SNAP91: variants seen among roughly 807,000 people sequenced by gnomAD.
SNAP91 encodes synaptosome associated protein 91, also known as clathrin coat assembly protein AP180.
SNAP91 carries 27 observed loss-of-function variants against 100.3 expected under a neutral mutation model. The ratio of observed to expected loss-of-function variants is 0.27; its 90% CI spans 0.20 to 0.37. The LOEUF (loss-of-function observed/expected upper bound fraction) is 0.37. Among genes scored for constraint, SNAP91 ranks in the 10% least tolerant of loss-of-function variants. The pLI, the probability that SNAP91 is intolerant of heterozygous loss-of-function variation, is 1.00. For missense variants in SNAP91, 986 were observed against 1,123.7 expected (o/e 0.88, Z 1.75); for synonymous variants, 404 against 398.6 (o/e 1.01, Z -0.16).
intron 14 of SNAP91, among the ~76,000 whole-genome samples, chr6:83,603,729 T>C (rs1219792276): frequency 1.3e-5 from 2 of 152,304 alleles, no homozygotes; most frequent in African/African-American, 4.8e-5. Flanking sequence ...GCTCACAGCG[T>C]GACTATAGAG....
intron 8 of SNAP91, among the ~76,000 whole-genome samples, chr6:83,624,292 A>G (rs890004753): frequency 1.3e-5 from 2 of 152,150 alleles, no homozygotes; most frequent in African/African-American, 4.8e-5. Context: ...AAATTATTCA[A>G]AGTGAAAAGT....
At chr6:83,683,711 T>C (rs149402716) in intron 2 of SNAP91, among the ~76,000 whole-genome samples, 5 of 152,350 alleles carry the variant, frequency 3.3e-5, no homozygotes, top group Admixed American at 6.5e-5. Context: ...TTAATCAATC[T>C]CTTCCATGCC....
At chr6:83,561,490 G>A (rs1787570966) in intron 26 of SNAP91, among the ~76,000 whole-genome samples, 1 of 152,128 alleles carries the variant, frequency 6.6e-6, no homozygotes, top group Non-Finnish European at 1.5e-5. Flanking sequence ...ATATAAACAA[G>A]ACTACTGACT....
intron 28 of SNAP91, among the ~76,000 whole-genome samples, chr6:83,557,311 G>A (rs1381983941): frequency 1.3e-5 from 2 of 151,990 alleles, no homozygotes; most frequent in African/African-American, 2.4e-5. Flanking sequence ...TTGAGATTTG[G>A]TCCTATGTCC....
chr6:83,621,837 C>T (rs1023977927), intron 9 of SNAP91, among the ~76,000 whole-genome samples: 17 of 151,888 alleles, frequency 1.1e-4, no homozygotes, highest in Non-Finnish European at 2.2e-4. Context: ...AGATGATTTG[C>T]CACTTCTAGA....
At position 83,701,066 on chromosome 6, in the gene SNAP91, C is replaced by G. The variant is rs369720633; in HGVS notation, c.130+6732G>C. On this transcript the variant is annotated intron_variant, in intron 2 of 29. Coordinates refer to ENST00000369694, the MANE Select transcript of SNAP91 (RefSeq NM_001242792.2). ...GACATAGAATATTTAAAGAGGGGTA[C>G]AGTTGTGTCTGTTTTCTTTGAAATG... 6.6e-5 allele frequency among the ~76,000 whole-genome samples: 10 copies of G among 152,212 alleles called. No homozygotes were observed. The South Asian group carries it at 1.9e-3, about 28-fold the overall frequency.
intron 2 of SNAP91, chr6:83,678,725 T>C: frequency 7.8e-7 from 1 of 1,287,850 alleles, no homozygotes. Context: ...TTGAGAATCC[T>C]TGGCACCATC....
intron 8 of SNAP91, among the ~76,000 whole-genome samples, chr6:83,627,950 A>G (rs1306125351): frequency 6.6e-6 from 1 of 151,772 alleles, no homozygotes; most frequent in African/African-American, 2.4e-5. Flanking sequence ...TGGAGCACCC[A>G]TCACCATAGT....
At chr6:83,603,204 T>TTAACCTTA (rs1239509310) in intron 14 of SNAP91, among the ~76,000 whole-genome samples, 1 of 152,130 alleles carries the variant, frequency 6.6e-6, no homozygotes, top group African/African-American at 2.4e-5. Flanking sequence ...CAAAAAAACT[T>TTAACCTTA]TAACCTTATA....
intron 8 of SNAP91, among the ~76,000 whole-genome samples, chr6:83,631,871 A>G (rs896788343): frequency 6.6e-6 from 1 of 151,944 alleles, no homozygotes; most frequent in Non-Finnish European, 1.5e-5. Context: ...CATTCCATTC[A>G]TTGTGCTATT....
intron 24 of SNAP91, among the ~76,000 whole-genome samples, chr6:83,578,028 C>T (rs1295873439): frequency 6.6e-6 from 1 of 152,100 alleles, no homozygotes; most frequent in East Asian, 1.9e-4. Flanking sequence ...CACAGTAAAT[C>T]CAGTTGTAGC....
chr6:83,656,625 G>T, intron 7 of SNAP91, 129 bp downstream of exon 7: 1 of 538,316 alleles, frequency 1.9e-6, no homozygotes, highest in Non-Finnish European at 3.3e-6. Context: ...ACCATCTGTG[G>T]ACTTACTCAC....
At chr6:83,690,289 A>G in intron 2 of SNAP91, 1 of 1,202,408 alleles carries the variant, frequency 8.3e-7, no homozygotes, top group South Asian at 1.6e-5. Context: ...AAACAAATGT[A>G]ACATATTTCT....
intron 9 of SNAP91, among the ~76,000 whole-genome samples, chr6:83,617,663 T>A (rs1197503302): frequency 2.0e-5 from 3 of 151,660 alleles, no homozygotes; most frequent in Non-Finnish European, 4.4e-5. Context: ...GCACTGTGTA[T>A]TGGCAAATTT....
intron 17 of SNAP91, 53 bp downstream of exon 17, chr6:83,594,321 G>T (rs2094207278): frequency 1.5e-6 from 2 of 1,351,420 alleles, no homozygotes; most frequent in African/African-American, 1.4e-5. Context: ...TAACTACGGG[G>T]GTTTTACATT....
rs570657448 is a variant in SNAP91 at position 83,686,055 on chromosome 6, G to A, written c.131-20474C>T. ...TTTGGTTCATTAAGGTACCCCAAGC[G>A]TCTAGACCAGTAGATGCACAGTAGA... On this transcript the variant is annotated intron_variant, in intron 2 of 29. Transcript: ENST00000369694. 12 of 535,466 alleles carry A rather than the reference G, an allele frequency of 2.2e-5. 1 individual carries two copies. The South Asian group carries it at 2.4e-4, about 11-fold the overall frequency. The allele number at this position is 535,466 out of a possible 1,614,324, so 33.2% of individuals were successfully genotyped here.
At chr6:83,708,531 C>T (rs187150864) in intron 1 of SNAP91, 386 of 152,602 alleles carry the variant, frequency 2.5e-3, no homozygotes, top group Non-Finnish European at 4.2e-3. Flanking sequence ...CCTCGCCTCC[C>T]CTTCCTTCCT....
At chr6:83,707,677 G>A in intron 2 of SNAP91, 121 bp downstream of exon 2, 1 of 1,341,500 alleles carries the variant, frequency 7.5e-7, no homozygotes, top group Non-Finnish European at 1.0e-6. Context: ...TTCAGCTCAG[G>A]GGCAACCTGG....
intron 2 of SNAP91, among the ~76,000 whole-genome samples, chr6:83,689,092 C>T (rs1363748185): frequency 6.6e-6 from 1 of 152,136 alleles, no homozygotes; most frequent in East Asian, 1.9e-4. Context: ...ATCAGGTGTG[C>T]CACCCATCAT....
Sources: allele counts gnomAD v4.1 joint callset (sites outside exome capture counted in the v4.1 genomes callset), GRCh38; gene constraint gnomAD v4.1.1; transcripts MANE v1.5; gene names NCBI Gene and HGNC (gene_info 2026-07-23, HGNC 2026-07-21).